Variants in PRIM2 observed in about 807,000 individuals in gnomAD.
PRIM2 encodes the protein DNA primase large subunit.
Under a neutral mutation model 67.3 loss-of-function variants are expected in PRIM2, and 39 were observed. The ratio of observed to expected loss-of-function variants is 0.58; its 90% CI spans 0.45 to 0.76. The LOEUF (loss-of-function observed/expected upper bound fraction) is 0.76, where lower values mean the gene tolerates loss of function less well. Among genes scored for constraint, PRIM2 ranks in the 30% least tolerant of loss-of-function variants. The pLI, the probability that PRIM2 is intolerant of heterozygous loss-of-function variation, is 0.00. For missense variants in PRIM2, 398 were observed against 598.7 expected, an observed-to-expected ratio of 0.66 and a Z score of 3.50; for synonymous variants, 143 against 198.7, an observed-to-expected ratio of 0.72 and a Z score of 2.36.
At chr6:57,280,100 T>A in the PRIM2 span, among the ~76,000 whole-genome samples, 1 of 152,216 alleles carries the variant, frequency 6.6e-6, no homozygotes, top group Admixed American at 6.5e-5. Context: ...TTAGGGATAC[T>A]GAGGGAGCCT....
chr6:57,402,524 T>C (rs1007909448), intron 7 of PRIM2, among the ~76,000 whole-genome samples: 4 of 152,112 alleles, frequency 2.6e-5, no homozygotes, highest in African/African-American at 7.2e-5. Flanking sequence ...TGAGAAAAGA[T>C]AGAGTTGATA....
chr6:57,524,909 G>GA (rs1276039724), intron 8 of PRIM2, among the ~76,000 whole-genome samples: 1 of 151,812 alleles, frequency 6.6e-6, no homozygotes, highest in Non-Finnish European at 1.5e-5. Context: ...GAAACCTGGA[G>GA]AAAACCTCAA....
chr6:57,343,054 G>C (rs1728761946), intron 5 of PRIM2, among the ~76,000 whole-genome samples: 1 of 152,126 alleles, frequency 6.6e-6, no homozygotes, highest in African/African-American at 2.4e-5. Context: ...GAATTTATTA[G>C]GAGCCTTTGG....
chr6:57,552,008 G>A (rs1415476924), intron 10 of PRIM2, among the ~76,000 whole-genome samples: 3 of 152,092 alleles, frequency 2.0e-5, no homozygotes, highest in Non-Finnish European at 4.4e-5. Context: ...CTGTCCAAGT[G>A]TACTCAGAAT....
chr6:57,320,387 T>A, intron 2 of PRIM2, 70 bp from the exon 3 acceptor site: 1 of 1,046,974 alleles, frequency 9.6e-7, no homozygotes, highest in Non-Finnish European at 1.4e-6. Flanking sequence ...GGAATTGCCC[T>A]CCATAGATTT....
intron 5 of PRIM2, among the ~76,000 whole-genome samples, chr6:57,347,485 C>T (rs866750131): frequency 1.3e-5 from 2 of 152,154 alleles, no homozygotes; most frequent in African/African-American, 2.4e-5. Context: ...TTTGCTCTGT[C>T]GCCTAGGCTG....
intron 10 of PRIM2, among the ~76,000 whole-genome samples, chr6:57,583,444 C>T (rs1223459102): frequency 6.7e-6 from 1 of 150,072 alleles, no homozygotes; most frequent in African/African-American, 2.5e-5. Flanking sequence ...TTTGTTCTTG[C>T]GATAGTTTAC....
chr6:57,240,091 G>GTTTTTTTTTTTTTTTTTTTTTTTTTTT, the PRIM2 span, among the ~76,000 whole-genome samples: 6 of 90,006 alleles, frequency 6.7e-5, no homozygotes, highest in African/African-American at 1.8e-4. Context: ...TCAATAATCT[G>GTTTTTTTTTTTTTTTTTTTTTTTTTTT]TTTTTTTTTT....
the PRIM2 span, among the ~76,000 whole-genome samples, chr6:57,238,989 T>A: frequency 5.3e-5 from 8 of 152,066 alleles, no homozygotes; most frequent in South Asian, 2.1e-4. Context: ...TTTTTTCTTT[T>A]TTTATTTTTT....
chr6:57,643,874 T>C (rs1777289752), intron 13 of PRIM2, among the ~76,000 whole-genome samples: 1 of 152,210 alleles, frequency 6.6e-6, no homozygotes, highest in Admixed American at 6.5e-5. Context: ...TAGCCTAACA[T>C]GTATTAACAA....
chr6:57,437,121 T>C (rs1402629297), intron 7 of PRIM2, among the ~76,000 whole-genome samples: 2 of 152,174 alleles, frequency 1.3e-5, no homozygotes, highest in Non-Finnish European at 2.9e-5. Context: ...GTGTCTTACA[T>C]GGCAGGAGCA....
intron 10 of PRIM2, among the ~76,000 whole-genome samples, chr6:57,596,804 C>G (rs1562799846): frequency 6.6e-6 from 1 of 151,798 alleles, no homozygotes; most frequent in Admixed American, 6.6e-5. Flanking sequence ...ATCCACTATA[C>G]TCTATATAGG....
chr6:57,233,997 T>A, the PRIM2 span, among the ~76,000 whole-genome samples: 2 of 152,108 alleles, frequency 1.3e-5, no homozygotes, highest in Admixed American at 1.3e-4. Context: ...TCTTCCAGAA[T>A]TTTAGTGTGT....
At chr6:57,382,279 A>C (rs1422274782) in intron 7 of PRIM2, 111 bp downstream of exon 7, 36 of 1,213,392 alleles carry the variant, frequency 3.0e-5, no homozygotes, top group Non-Finnish European at 3.8e-5. Context: ...AGTTTTCATA[A>C]TGATATTCAG....
intron 12 of PRIM2, among the ~76,000 whole-genome samples, chr6:57,629,965 A>G (rs1329184881): frequency 1.3e-5 from 2 of 149,746 alleles, no homozygotes; most frequent in African/African-American, 5.0e-5. Flanking sequence ...ATCTTCCTTT[A>G]AAAGAAAGAT....
At chr6:57,462,371 CTA>C (rs1773037223) in intron 7 of PRIM2, among the ~76,000 whole-genome samples, 1 of 151,720 alleles carries the variant, frequency 6.6e-6, no homozygotes, top group East Asian at 1.9e-4. Flanking sequence ...ATTTGCAAAA[CTA>C]TTGTCCTGAA....
intron 7 of PRIM2, among the ~76,000 whole-genome samples, chr6:57,501,433 G>A (rs1774129430): frequency 6.6e-6 from 1 of 152,040 alleles, no homozygotes; most frequent in Non-Finnish European, 1.5e-5. Flanking sequence ...CTGAGTAGCT[G>A]GGATTACAGG....
chr6:57,560,682 T>C (rs1411318730), intron 10 of PRIM2, among the ~76,000 whole-genome samples: 108,239 of 148,452 alleles, frequency 0.73, 40,399 homozygotes, highest in African/African-American at 0.89. Context: ...ACATTAATCT[T>C]ATCATACATC....
intron 8 of PRIM2, among the ~76,000 whole-genome samples, chr6:57,528,852 C>G (rs1774821930): frequency 6.6e-6 from 1 of 152,302 alleles, no homozygotes; most frequent in African/African-American, 2.4e-5. Context: ...CTGGAGTATG[C>G]TTTACTGATT....
Sources: allele counts gnomAD v4.1 joint callset (sites outside exome capture counted in the v4.1 genomes callset), GRCh38; gene constraint gnomAD v4.1.1; transcripts MANE v1.5; gene names NCBI Gene and HGNC (gene_info 2026-07-23, HGNC 2026-07-21).